The following PALM2AKAP2 variants were observed in gnomAD, a reference collection of about 807,000 sequenced individuals.
PALM2AKAP2 encodes the protein PALM2-AKAP2 fusion protein.
Under a neutral mutation model 71.5 loss-of-function variants are expected in PALM2AKAP2, and 37 were observed. The ratio of observed to expected loss-of-function variants is 0.52; its 90% CI spans 0.40 to 0.68. The LOEUF is 0.68. Among genes scored for constraint, PALM2AKAP2 ranks in the 30% least tolerant of loss-of-function variants. PALM2AKAP2 has a pLI of 0.00. For missense variants in PALM2AKAP2, 1,224 were observed against 1,191.8 expected (o/e 1.03, Z -0.40); for synonymous variants, 468 against 478.8 (o/e 0.98, Z 0.29).
chr9:110,162,214 G>A (rs1432327708), intron 3 of PALM2AKAP2, 82 bp downstream of exon 10: 1 of 1,567,170 alleles, frequency 6.4e-7, no homozygotes, highest in Non-Finnish European at 8.8e-7. Context: ...TTCCTGATGA[G>A]TTAAACGAAA....
At chr9:109,813,417 G>A (rs13293682) in intron 1 of PALM2AKAP2, among the ~76,000 whole-genome samples, 92,412 of 152,026 alleles carry the variant, frequency 0.61, 29,460 homozygotes, top group African/African-American at 0.81. Flanking sequence ...AATCTGTAAC[G>A]GCCTCTGGTT....
intron 1 of PALM2AKAP2, among the ~76,000 whole-genome samples, chr9:109,860,127 G>T (rs187512541): frequency 4.5e-4 from 68 of 152,326 alleles, no homozygotes; most frequent in African/African-American, 1.6e-3. Context: ...ACAGGGATGT[G>T]TCTGCTGAGC....
chr9:109,934,421 A>G (rs1385064391), intron 6 of PALM2AKAP2, among the ~76,000 whole-genome samples: 2 of 152,016 alleles, frequency 1.3e-5, no homozygotes, highest in Non-Finnish European at 2.9e-5. Flanking sequence ...AGTCACTGTT[A>G]TTTCCTGTTT....
chr9:110,137,021 C>T lies in PALM2AKAP2; in HGVS notation c.1051C>T (p.His351Tyr), dbSNP rs749034065. 1.2e-4 allele frequency: 186 copies of T among 1,614,006 alleles called. No homozygotes were observed. Among genetic ancestry groups the T allele is most frequent in the Non-Finnish European group, 1.4e-4 (165 of 1,180,036 alleles). ...GCTGGACGAGGAACATCTGGAGTCG[C>T]ACAAAAAGTACAAGGAGCGCAAAGA... The change falls in exon 2 of 4, where the codon CAC becomes TAC. Residue 351 changes from histidine to tyrosine, a missense_variant. By Grantham distance (83) the His-to-Tyr change is moderately conservative. Coordinates refer to ENST00000374525, the Ensembl canonical transcript of PALM2AKAP2.
chr9:109,996,496 G>C (rs973871642), intron 6 of PALM2AKAP2, among the ~76,000 whole-genome samples: 1 of 152,196 alleles, frequency 6.6e-6, no homozygotes, highest in African/African-American at 2.4e-5. Flanking sequence ...AAATTAGTTT[G>C]GGCCTCAAGG....
exon 2 of PALM2AKAP2, chr9:110,137,555 G>C: frequency 6.2e-7 from 1 of 1,614,134 alleles, no homozygotes; most frequent in African/African-American, 1.3e-5. Flanking sequence ...ATTTACGAGC[G>C]CCCGGGCTGT....
At chr9:109,666,358 G>A (rs962638453) in intron 1 of PALM2AKAP2, among the ~76,000 whole-genome samples, 1 of 152,146 alleles carries the variant, frequency 6.6e-6, no homozygotes, top group East Asian at 1.9e-4. Flanking sequence ...TGCAGTTGGA[G>A]GTCTTTTGTG....
At chr9:109,942,808 G>A (rs147524083) in intron 6 of PALM2AKAP2, 1 of 1,614,116 alleles carries the variant, frequency 6.2e-7, no homozygotes, top group Non-Finnish European at 8.5e-7. Context: ...CTATGATGAT[G>A]GTACCAAAGT....
chr9:109,836,417 C>T (rs1237470886), intron 1 of PALM2AKAP2, among the ~76,000 whole-genome samples: 1 of 152,144 alleles, frequency 6.6e-6, no homozygotes, highest in Non-Finnish European at 1.5e-5. Context: ...GATAAAACCA[C>T]AAAGATGGGG....
intron 7 of PALM2AKAP2, among the ~76,000 whole-genome samples, chr9:110,036,281 G>A (rs1833408672): frequency 6.6e-6 from 1 of 152,136 alleles, no homozygotes; most frequent in African/African-American, 2.4e-5. Flanking sequence ...CCCTGATCAA[G>A]TGGGAGTTTT....
At chr9:110,005,036 G>A (rs1404120016) in intron 6 of PALM2AKAP2, among the ~76,000 whole-genome samples, 1 of 152,222 alleles carries the variant, frequency 6.6e-6, no homozygotes, top group Non-Finnish European at 1.5e-5. Context: ...ACTCGTCAAA[G>A]TCATTCTCTG....
chr9:109,929,917 A>C (rs889193069), intron 5 of PALM2AKAP2, among the ~76,000 whole-genome samples: 1 of 150,966 alleles, frequency 6.6e-6, no homozygotes, highest in African/African-American at 2.4e-5. Flanking sequence ...GCAGTTCAAC[A>C]TGGAGAATAA....
intron 1 of PALM2AKAP2, among the ~76,000 whole-genome samples, chr9:109,663,709 G>T (rs925203805): frequency 6.6e-6 from 1 of 152,208 alleles, no homozygotes; most frequent in African/African-American, 2.4e-5. Flanking sequence ...AGGTCTGCTT[G>T]TTGCAGAGCT....
intron 1 of PALM2AKAP2, among the ~76,000 whole-genome samples, chr9:109,728,201 G>A (rs1241427772): frequency 6.6e-6 from 1 of 152,208 alleles, no homozygotes; most frequent in Non-Finnish European, 1.5e-5. Context: ...AGTCCTTATT[G>A]TTATTAGGGA....
chr9:110,002,081 C>T (rs1832691940), intron 6 of PALM2AKAP2, among the ~76,000 whole-genome samples: 1 of 152,154 alleles, frequency 6.6e-6, no homozygotes. Context: ...GAGGGCATCC[C>T]TGTCTTGTGC....
At chr9:109,909,006 G>A (rs1830511079) in intron 3 of PALM2AKAP2, among the ~76,000 whole-genome samples, 1 of 152,222 alleles carries the variant, frequency 6.6e-6, no homozygotes, top group Non-Finnish European at 1.5e-5. Context: ...AACTCAGAGA[G>A]CGTCACAGGG....
intron 1 of PALM2AKAP2, among the ~76,000 whole-genome samples, chr9:109,684,856 A>G (rs1341925748): frequency 6.6e-6 from 1 of 152,210 alleles, no homozygotes; most frequent in Non-Finnish European, 1.5e-5. Context: ...ATGAATGTCC[A>G]TGGCAGCTTC....
intron 1 of PALM2AKAP2, among the ~76,000 whole-genome samples, chr9:109,773,960 G>A (rs1829311810): frequency 6.6e-6 from 1 of 152,204 alleles, no homozygotes; most frequent in Non-Finnish European, 1.5e-5. Flanking sequence ...GGTGGTAGGA[G>A]CTGAAGCTAG....
intron 3 of PALM2AKAP2, among the ~76,000 whole-genome samples, chr9:109,900,489 G>A (rs1052539048): frequency 2.6e-5 from 4 of 152,218 alleles, no homozygotes; most frequent in Non-Finnish European, 5.9e-5. Context: ...CCTCAAGATA[G>A]TAGAAATTCA....
Sources: allele counts gnomAD v4.1 joint callset (sites outside exome capture counted in the v4.1 genomes callset), GRCh38; gene constraint gnomAD v4.1.1; transcripts MANE v1.5; gene names NCBI Gene and HGNC (gene_info 2026-07-23, HGNC 2026-07-21).